Variants in STEAP3 observed in about 807,000 individuals in gnomAD.
STEAP3 encodes metalloreductase STEAP3.
STEAP3 carries 35 observed loss-of-function variants against 34.9 expected under a neutral mutation model. The ratio of observed to expected loss-of-function variants is 1.00; its 90% CI spans 0.76 to 1.33. The LOEUF (loss-of-function observed/expected upper bound fraction) is 1.33. Among genes scored for constraint, STEAP3 ranks in the 40% most tolerant of loss-of-function variants. The probability of loss-of-function intolerance (pLI) is 0.00; values close to 1 mark genes in which losing one functional copy is unlikely to be tolerated. For missense variants in STEAP3, 652 were observed against 667.6 expected (o/e 0.98, Z 0.26); for synonymous variants, 281 against 301.6 (o/e 0.93, Z 0.71).
intron 5 of STEAP3, among the ~76,000 whole-genome samples, chr2:119,255,553 T>G (rs546556147): frequency 1.3e-5 from 2 of 152,074 alleles, no homozygotes; most frequent in South Asian, 4.2e-4. Context: ...CTTATTGGAG[T>G]GTTAGCACCC....
intron 5 of STEAP3, among the ~76,000 whole-genome samples, chr2:119,256,093 C>T (rs1677765740): frequency 6.6e-6 from 1 of 152,322 alleles, no homozygotes; most frequent in Admixed American, 6.5e-5. Flanking sequence ...ATCCTATCCA[C>T]CCCCACTATC....
chr2:119,224,445 C>A (rs893310335), intron 1 of STEAP3, among the ~76,000 whole-genome samples: 2 of 152,228 alleles, frequency 1.3e-5, no homozygotes, highest in Admixed American at 1.3e-4. Flanking sequence ...GCCCGCGGAG[C>A]CCTTGCCTGG....
At chr2:119,235,010 G>A (rs975744306) in intron 2 of STEAP3, among the ~76,000 whole-genome samples, 1 of 152,212 alleles carries the variant, frequency 6.6e-6, no homozygotes, top group Non-Finnish European at 1.5e-5. Flanking sequence ...ATGGCAGGCA[G>A]GCCATCTGGA....
intron 1 of STEAP3, among the ~76,000 whole-genome samples, chr2:119,225,124 T>G (rs62159638): frequency 6.6e-6 from 1 of 152,312 alleles, no homozygotes; most frequent in African/African-American, 2.4e-5. Context: ...CTCAGTCACC[T>G]GCAAGGCTTG....
chr2:119,257,733 A>G, intron 5 of STEAP3: 1 of 1,384,996 alleles, frequency 7.2e-7, no homozygotes, highest in Non-Finnish European at 9.3e-7. Flanking sequence ...GCTAGTGAGA[A>G]GTTACCTGAG....
chr2:119,239,089 C>A (rs1356673141), intron 2 of STEAP3, among the ~76,000 whole-genome samples: 4 of 152,100 alleles, frequency 2.6e-5, no homozygotes, highest in Non-Finnish European at 5.9e-5. Flanking sequence ...TACTTCATGC[C>A]CTTGAGGGAA....
At chr2:119,260,324 T>TC (rs1343074302) in intron 5 of STEAP3, among the ~76,000 whole-genome samples, 19 of 151,744 alleles carry the variant, frequency 1.3e-4, no homozygotes, top group African/African-American at 4.3e-4. Context: ...TTTTTTCTTT[T>TC]TTTTTGAGAC....
intron 2 of STEAP3, among the ~76,000 whole-genome samples, chr2:119,232,652 C>T (rs570133676): frequency 1.6e-4 from 25 of 152,258 alleles, no homozygotes; most frequent in African/African-American, 5.8e-4. Context: ...AATTTCAGAT[C>T]CATAAAATGG....
intron 5 of STEAP3, chr2:119,257,632 G>T (rs886954885): frequency 2.0e-6 from 3 of 1,486,548 alleles, no homozygotes; most frequent in South Asian, 2.7e-5. Context: ...GAGGATTTGA[G>T]CTGGACACGT....
chr2:119,227,311 C>T (rs549843786), intron 1 of STEAP3, among the ~76,000 whole-genome samples: 86 of 152,208 alleles, frequency 5.7e-4, no homozygotes, highest in Non-Finnish European at 1.1e-3. Flanking sequence ...CAAACTCTTG[C>T]GTTGTCACTT....
At chr2:119,237,375 T>A (rs529806700) in intron 2 of STEAP3, among the ~76,000 whole-genome samples, 111 of 151,934 alleles carry the variant, frequency 7.3e-4, no homozygotes, top group African/African-American at 2.7e-3. Flanking sequence ...AGAGAGAGGG[T>A]AGGGAGGTGG....
At position 119,234,266 on chromosome 2, in the gene STEAP3, G is replaced by A. The variant is rs1249513260; in HGVS notation, c.22+3232G>A. Reference sequence around the variant, plus strand: ...TGCCATAACAAGGGGAGGGGTGGGGGCAGCCACAGCCCACAAGACCCACCA... The same window carrying A: ...TGCCATAACAAGGGGAGGGGTGGGGACAGCCACAGCCCACAAGACCCACCA... On this transcript the variant is annotated intron_variant, in intron 2 of 5. Transcript: ENST00000393110. 2.0e-5 allele frequency among the ~76,000 whole-genome samples: 3 copies of A among 152,198 alleles called. No individual in the cohort carries two copies. The East Asian group carries it at 5.8e-4, about 29-fold the overall frequency.
intron 4 of STEAP3, among the ~76,000 whole-genome samples, chr2:119,251,819 A>C (rs928457067): frequency 1.3e-5 from 2 of 152,160 alleles, no homozygotes; most frequent in Non-Finnish European, 2.9e-5. Context: ...GGACACCTTG[A>C]CAGCTTGCAA....
At chr2:119,233,666 C>T (rs912575049) in intron 2 of STEAP3, among the ~76,000 whole-genome samples, 1 of 152,128 alleles carries the variant, frequency 6.6e-6, no homozygotes, top group Non-Finnish European at 1.5e-5. Context: ...TTTTTATTGG[C>T]CCCCATCCAA....
At chr2:119,247,073 G>C (rs534280576) in intron 3 of STEAP3, among the ~76,000 whole-genome samples, 1 of 152,272 alleles carries the variant, frequency 6.6e-6, no homozygotes, top group Admixed American at 6.5e-5. Flanking sequence ...CAAGGCCCAC[G>C]GGGTGCTTGG....
At chr2:119,225,149 C>A (rs1386377074) in intron 1 of STEAP3, among the ~76,000 whole-genome samples, 1 of 152,224 alleles carries the variant, frequency 6.6e-6, no homozygotes, top group Non-Finnish European at 1.5e-5. Context: ...AAATATAGAT[C>A]CCCAAGTCCC....
Position 119,254,738 on chromosome 2 carries a change from A to T in STEAP3, c.1105A>T (p.Ile369Phe). Reference sequence around the variant, plus strand: ...GGAGGAGGAGGTCTGGCGGATGGAGATCTACCTCTCCCTGGGAGTGCTGGC... The same window carrying T: ...GGAGGAGGAGGTCTGGCGGATGGAGTTCTACCTCTCCCTGGGAGTGCTGGC... ...WVEEEVWRME[I>F]YLSLGVLALG... The change falls in exon 5 of 6, where the codon ATC (isoleucine) becomes TTC (phenylalanine). Residue 369 changes from isoleucine (I) to phenylalanine (F), a missense_variant. Coordinates refer to ENST00000393110, the MANE Select transcript of STEAP3 (RefSeq NM_182915.3). 1.9e-6 allele frequency: 3 copies of T among 1,614,050 alleles called. No individual in the cohort carries two copies. Among genetic ancestry groups the T allele is most frequent in the Non-Finnish European group, 1.7e-6 (2 of 1,179,990 alleles).
At chr2:119,236,255 C>T (rs1037343803) in intron 2 of STEAP3, among the ~76,000 whole-genome samples, 4 of 152,154 alleles carry the variant, frequency 2.6e-5, no homozygotes, top group African/African-American at 4.8e-5. Context: ...AGGCTCAGAG[C>T]GTAGCACTTT....
In STEAP3 at chr2:119,247,671, T is replaced by C. The variant is rs1677472721; in HGVS notation, c.523-8T>C. The C allele has an allele frequency of 2.0e-6, 3 of 1,515,508 alleles. No individual in the cohort carries two copies. Among genetic ancestry groups the C allele is most frequent in the Non-Finnish European group, 2.6e-6 (3 of 1,137,888 alleles). 93.9% of individuals were successfully genotyped at this position (1,515,508 alleles called of 1,614,324 possible). A position where few individuals can be genotyped will look rare whatever the true frequency, so the allele number is the denominator to read the frequency against. ...ACGCCGTCTGACTGCCCCACTTTTC[T>C]CCCGCAGGTGCCCATCTGCGGTGAC... is the stretch of plus-strand genomic sequence containing the variant. On this transcript the variant is annotated splice_polypyrimidine_tract_variant and splice_region_variant and intron_variant, in intron 3 of 5. Transcript: ENST00000393110.
Sources: gnomAD v4.1 joint callset for allele counts (sites outside exome capture counted in the v4.1 genomes callset) on GRCh38, gnomAD v4.1.1 for gene constraint, MANE v1.5 for transcripts, NCBI Gene and HGNC (gene_info 2026-07-23, HGNC 2026-07-21) for gene names.